Variants in NAA30 observed in about 807,000 individuals in gnomAD.
The protein encoded by NAA30 is N-alpha-acetyltransferase 30.
In NAA30, 5 loss-of-function variants were observed where a neutral mutation model predicts 31.4. That is an observed-to-expected ratio of 0.16 (90% CI 0.08 to 0.33). NAA30 has a LOEUF of 0.33. NAA30 is among the 10% of genes least tolerant of loss of function. The pLI is 1.00. For missense variants in NAA30, 428 were observed against 490.8 expected, an observed-to-expected ratio of 0.87 and a Z score of 1.21; for synonymous variants, 222 against 207.1, an observed-to-expected ratio of 1.07 and a Z score of -0.62.
At chr14:57,395,070 G>A (rs1389996739) in intron 2 of NAA30, among the ~76,000 whole-genome samples, 2 of 152,080 alleles carry the variant, frequency 1.3e-5, no homozygotes, top group Admixed American at 6.5e-5. Context: ...GGCGATTTTT[G>A]TGCATACTTC....
At chr14:57,407,734 A>C (rs1029882639) in intron 4 of NAA30, among the ~76,000 whole-genome samples, 12 of 152,316 alleles carry the variant, frequency 7.9e-5, no homozygotes, top group East Asian at 1.9e-4. Context: ...ACAAGAGGGA[A>C]TCAGTAAACG....
intron 4 of NAA30, among the ~76,000 whole-genome samples, chr14:57,402,793 G>A (rs2066482343): frequency 6.6e-6 from 1 of 152,160 alleles, no homozygotes; most frequent in South Asian, 2.1e-4. Context: ...CATTTCAGAA[G>A]GGTTTTAAAT....
intron 2 of NAA30, among the ~76,000 whole-genome samples, chr14:57,392,248 T>G (rs771881006): frequency 4.6e-5 from 7 of 152,170 alleles, no homozygotes; most frequent in Non-Finnish European, 1.0e-4. Context: ...ATGTTTCTCT[T>G]TACTTCAACT....
intron 4 of NAA30, 115 bp downstream of exon 4, chr14:57,399,998 C>A: frequency 2.0e-6 from 1 of 511,792 alleles, no homozygotes; most frequent in Non-Finnish European, 3.4e-6. Context: ...TATACAAATG[C>A]AGCTTGTGGG....
At chr14:57,396,638 C>T in intron 2 of NAA30, 114 bp from the exon 3 acceptor site, 3 of 1,045,884 alleles carry the variant, frequency 2.9e-6, no homozygotes, top group Non-Finnish European at 2.9e-6. Flanking sequence ...GCAAGAGTTC[C>T]CATTATCTTC....
chr14:57,395,566 T>C (rs886618335), intron 2 of NAA30, among the ~76,000 whole-genome samples: 3 of 152,192 alleles, frequency 2.0e-5, no homozygotes, highest in African/African-American at 7.2e-5. Context: ...TTTATCAGCA[T>C]TGGAATTTTT....
intron 3 of NAA30, among the ~76,000 whole-genome samples, chr14:57,397,434 T>C (rs1454920140): frequency 6.6e-6 from 1 of 152,214 alleles, no homozygotes; most frequent in Non-Finnish European, 1.5e-5. Context: ...TTAACACTCA[T>C]GATTTATAAT....
At chr14:57,403,232 C>CT (rs1555338011) in intron 4 of NAA30, among the ~76,000 whole-genome samples, 26 of 46,890 alleles carry the variant, frequency 5.5e-4, no homozygotes, top group African/African-American at 1.0e-3. Flanking sequence ...GCTCCGTGGC[C>CT]GGAAAAAAAA....
chr14:57,396,199 C>A (rs940825783), intron 2 of NAA30, among the ~76,000 whole-genome samples: 6 of 152,080 alleles, frequency 3.9e-5, no homozygotes, highest in African/African-American at 9.7e-5. Flanking sequence ...GATCTCAAAC[C>A]CCTGAGCTCA....
rs1234332468 is a variant in NAA30 at position 57,415,478 on chromosome 14, TA to T, written c.*5965del. On this transcript the variant is annotated 3_prime_UTR_variant, in exon 5 of 5. Transcript: ENST00000556492. ...TTAAGAAGTTTTATTTCCTGGTACTTAAATATTGTGTAGAGGGAAAGCTAGT... is the reference window on the plus strand; with the variant it reads ...TTAAGAAGTTTTATTTCCTGGTACTTAATATTGTGTAGAGGGAAAGCTAGT... The T allele has an allele frequency of 6.6e-6, 1 of 152,200 alleles. No individual in the cohort carries two copies. The highest frequency in any genetic ancestry group is 2.4e-5 in the African/African-American group (1 of 41,460). The allele number at this position is 152,200 out of a possible 1,614,324, so 9.4% of individuals were successfully genotyped here.
At chr14:57,398,168 A>G (rs536351392) in intron 3 of NAA30, among the ~76,000 whole-genome samples, 2 of 152,326 alleles carry the variant, frequency 1.3e-5, no homozygotes, top group East Asian at 1.9e-4. Context: ...AGAAGTAACT[A>G]TAAATAGGTT....
intron 4 of NAA30, 152 bp downstream of exon 4, chr14:57,400,035 A>T (rs1017219258): frequency 1.5e-5 from 7 of 451,760 alleles, no homozygotes; most frequent in African/African-American, 1.2e-4. Context: ...TTAAAAACAC[A>T]TGAATTTTTG....
chr14:57,393,538 AT>A (rs1337402777), intron 2 of NAA30, among the ~76,000 whole-genome samples: 1 of 152,136 alleles, frequency 6.6e-6, no homozygotes, highest in Non-Finnish European at 1.5e-5. Context: ...CATAGGAACT[AT>A]TTTTTTAAAA....
chr14:57,392,923 G>C (rs1446635789), intron 2 of NAA30, among the ~76,000 whole-genome samples: 5 of 152,180 alleles, frequency 3.3e-5, no homozygotes, highest in Non-Finnish European at 7.4e-5. Context: ...CAGTACATTT[G>C]TTAAAACTGT....
chr14:57,401,652 T>C (rs2066477821), intron 4 of NAA30, among the ~76,000 whole-genome samples: 1 of 152,042 alleles, frequency 6.6e-6, no homozygotes, highest in Non-Finnish European at 1.5e-5. Flanking sequence ...TGAACAGGGG[T>C]GTTAAGAGCA....
In NAA30 at chr14:57,412,477, G is replaced by A. The variant is rs2066528105; in HGVS notation, c.*2961G>A. ...GGTAGTACATCAGAGTTACTTTTCA[G>A]TGCACCATGACATCACTAAAATGAG... On this transcript the variant is annotated 3_prime_UTR_variant, in exon 5 of 5. Transcript: ENST00000556492. 6.6e-6 allele frequency: 1 copy of A among 152,152 alleles called. No individual in the cohort carries two copies. The highest frequency in any genetic ancestry group is 1.5e-5 in the Non-Finnish European group (1 of 68,026). 9.4% of individuals were successfully genotyped at this position (152,152 alleles called of 1,614,324 possible). A position where few individuals can be genotyped will look rare whatever the true frequency, so the allele number is the denominator to read the frequency against.
intron 4 of NAA30, among the ~76,000 whole-genome samples, chr14:57,405,094 A>G (rs2066492938): frequency 6.6e-6 from 1 of 152,110 alleles, no homozygotes. Flanking sequence ...GATTTGCTTG[A>G]CCTACTTAAT....
chr14:57,392,258 T>C (rs1055412156), intron 2 of NAA30, among the ~76,000 whole-genome samples: 1 of 152,168 alleles, frequency 6.6e-6, no homozygotes, highest in African/African-American at 2.4e-5. Context: ...TTACTTCAAC[T>C]GGACAATTAA....
intron 4 of NAA30, among the ~76,000 whole-genome samples, chr14:57,402,901 C>T (rs1392747870): frequency 6.6e-6 from 1 of 152,208 alleles, no homozygotes; most frequent in Non-Finnish European, 1.5e-5. Flanking sequence ...GTACATTTGG[C>T]CAGGCACTGT....
Sources: allele counts gnomAD v4.1 joint callset (sites outside exome capture counted in the v4.1 genomes callset), GRCh38; gene constraint gnomAD v4.1.1; transcripts MANE v1.5; gene names NCBI Gene and HGNC (gene_info 2026-07-23, HGNC 2026-07-21).